CA10: variants seen among roughly 807,000 people sequenced by gnomAD.
CA10 encodes carbonic anhydrase 10 (inactive), also known as carbonic anhydrase-related protein 10.
A neutral mutation model predicts 44.2 loss-of-function variants in CA10; 14 were observed. The ratio of observed to expected loss-of-function variants is 0.32; its 90% CI spans 0.21 to 0.50. The LOEUF (loss-of-function observed/expected upper bound fraction) is 0.50, where lower values mean the gene tolerates loss of function less well. Ranked by LOEUF, CA10 falls within the 20% of genes least tolerant of loss-of-function variation. The pLI, the probability that CA10 is intolerant of heterozygous loss-of-function variation, is 0.99. For missense variants in CA10, 350 were observed against 409.7 expected, an observed-to-expected ratio of 0.85 and a Z score of 1.26; for synonymous variants, 159 against 141.6, an observed-to-expected ratio of 1.12 and a Z score of -0.87.
intron 2 of CA10, among the ~76,000 whole-genome samples, chr17:52,036,978 C>A (rs1434080028): frequency 1.3e-5 from 2 of 152,066 alleles, no homozygotes; most frequent in Non-Finnish European, 2.9e-5. Flanking sequence ...TCAGGGAGGG[C>A]AGTGAGCAGA....
chr17:52,003,074 C>G (rs781203251), intron 2 of CA10, among the ~76,000 whole-genome samples: 13 of 151,962 alleles, frequency 8.6e-5, no homozygotes, highest in Non-Finnish European at 1.9e-4. Flanking sequence ...AGAGATCAAG[C>G]TGCTTCCACT....
At chr17:51,778,454 C>T (rs1370117762) in intron 3 of CA10, among the ~76,000 whole-genome samples, 1 of 152,082 alleles carries the variant, frequency 6.6e-6, no homozygotes, top group African/African-American at 2.4e-5. Flanking sequence ...CTTCAGATAG[C>T]TTTCTAAGGA....
chr17:51,679,910 CACG>C (rs1914783079), intron 4 of CA10, among the ~76,000 whole-genome samples: 2 of 152,270 alleles, frequency 1.3e-5, no homozygotes, highest in Admixed American at 1.3e-4. Flanking sequence ...AAGGCTGTTT[CACG>C]ACAACTGAAA....
At chr17:51,750,846 A>C (rs567018628) in intron 3 of CA10, among the ~76,000 whole-genome samples, 1 of 152,338 alleles carries the variant, frequency 6.6e-6, no homozygotes, top group South Asian at 2.1e-4. Flanking sequence ...ACTTCTAGAA[A>C]TCCTTTCATC....
chr17:51,677,703 T>G (rs927923433), intron 4 of CA10, among the ~76,000 whole-genome samples: 2 of 152,134 alleles, frequency 1.3e-5, no homozygotes, highest in Non-Finnish European at 2.9e-5. Flanking sequence ...TCCTAAAGAC[T>G]TTTTGAACTA....
intron 6 of CA10, among the ~76,000 whole-genome samples, chr17:51,645,514 C>T (rs933339492): frequency 6.6e-6 from 1 of 152,222 alleles, no homozygotes; most frequent in Non-Finnish European, 1.5e-5. Context: ...TGTACTTGAA[C>T]TGCCAAAGTT....
At chr17:51,985,590 T>G (rs1022101540) in intron 2 of CA10, among the ~76,000 whole-genome samples, 4 of 151,960 alleles carry the variant, frequency 2.6e-5, no homozygotes, top group African/African-American at 9.7e-5. Flanking sequence ...GCTGATGATA[T>G]GATTATATAC....
At chr17:51,795,977 T>C (rs905341806) in intron 3 of CA10, among the ~76,000 whole-genome samples, 1 of 152,206 alleles carries the variant, frequency 6.6e-6, no homozygotes, top group Non-Finnish European at 1.5e-5. Flanking sequence ...AGCAGAGCTA[T>C]TGATCAGGAG....
chr17:51,797,135 A>C (rs548789769), intron 3 of CA10, among the ~76,000 whole-genome samples: 1 of 152,306 alleles, frequency 6.6e-6, no homozygotes, highest in South Asian at 2.1e-4. Flanking sequence ...CTCCAGCATC[A>C]GAGAGGCAGG....
At chr17:51,747,046 G>A (rs1290946367) in intron 4 of CA10, among the ~76,000 whole-genome samples, 1 of 152,168 alleles carries the variant, frequency 6.6e-6, no homozygotes, top group Non-Finnish European at 1.5e-5. Flanking sequence ...GATGACAACT[G>A]TTTAAACTGT....
chr17:51,811,005 G>C (rs909120386), intron 3 of CA10, among the ~76,000 whole-genome samples: 15 of 152,186 alleles, frequency 9.9e-5, no homozygotes, highest in African/African-American at 3.1e-4. Flanking sequence ...AGACCAGCCT[G>C]GCCAACATGG....
chr17:51,956,312 A>G (rs1406788669), intron 2 of CA10, among the ~76,000 whole-genome samples: 1 of 152,134 alleles, frequency 6.6e-6, no homozygotes, highest in African/African-American at 2.4e-5. Context: ...CTGCTTTTAT[A>G]TATTCACTAC....
At chr17:51,768,982 G>T (rs1041234146) in intron 3 of CA10, among the ~76,000 whole-genome samples, 2 of 152,146 alleles carry the variant, frequency 1.3e-5, no homozygotes, top group African/African-American at 4.8e-5. Context: ...TTCCAGGGCT[G>T]CTCTTGAAAT....
At chr17:51,678,295 T>C (rs1597980306) in intron 4 of CA10, among the ~76,000 whole-genome samples, 1 of 152,308 alleles carries the variant, frequency 6.6e-6, no homozygotes, top group East Asian at 1.9e-4. Context: ...ATAAATGTGG[T>C]TGCATAACAT....
At chr17:51,949,817 G>C (rs1300188358) in intron 2 of CA10, among the ~76,000 whole-genome samples, 1 of 152,056 alleles carries the variant, frequency 6.6e-6, no homozygotes, top group Admixed American at 6.6e-5. Context: ...ATAGAGCTTT[G>C]TGGCCCCTGT....
intron 4 of CA10, among the ~76,000 whole-genome samples, chr17:51,740,156 C>G (rs1011193175): frequency 6.6e-6 from 1 of 151,982 alleles, no homozygotes; most frequent in African/African-American, 2.4e-5. Flanking sequence ...CTTAAATTAT[C>G]TTCATTTACT....
chr17:51,722,168 T>C lies in CA10; in HGVS notation c.465+25465A>G, dbSNP rs564060535. Among the ~76,000 whole-genome samples the C allele has an allele frequency of 1.3e-4, 20 of 152,260 alleles. No homozygotes were observed. The South Asian group carries it at 4.2e-3, about 32-fold the overall frequency. ...TTTGGAGAACTGGAGAATTTGCTGG[T>C]GTTAAAAAACATATAATAATAATAA... On this transcript the variant is annotated intron_variant, in intron 4 of 8. Coordinates refer to ENST00000451037, the MANE Select transcript of CA10 (RefSeq NM_020178.5).
At chr17:51,802,179 G>A (rs1472383623) in intron 3 of CA10, among the ~76,000 whole-genome samples, 1 of 152,202 alleles carries the variant, frequency 6.6e-6, no homozygotes, top group Non-Finnish European at 1.5e-5. Flanking sequence ...TTGGGGTAGA[G>A]TTGAGTTCTG....
chr17:52,009,075 G>A (rs1247796245), intron 2 of CA10, among the ~76,000 whole-genome samples: 1 of 151,898 alleles, frequency 6.6e-6, no homozygotes, highest in African/African-American at 2.4e-5. Context: ...CTATAGATAT[G>A]AACATAGCCC....
Sources: gnomAD v4.1 joint callset for allele counts (sites outside exome capture counted in the v4.1 genomes callset) on GRCh38, gnomAD v4.1.1 for gene constraint, MANE v1.5 for transcripts, NCBI Gene and HGNC (gene_info 2026-07-23, HGNC 2026-07-21) for gene names.